The following KLF15 variants were observed in gnomAD, a reference collection of about 807,000 sequenced individuals.
KLF15 encodes Krueppel-like factor 15.
A neutral mutation model predicts 24.6 loss-of-function variants in KLF15; 4 were observed. That is an observed-to-expected ratio of 0.16 (90% CI 0.08 to 0.37). KLF15 has a LOEUF of 0.37. Among genes scored for constraint, KLF15 ranks in the 10% least tolerant of loss-of-function variants. KLF15 has a pLI of 1.00. For missense variants in KLF15, 496 were observed against 560.6 expected, an observed-to-expected ratio of 0.88 and a Z score of 1.16; for synonymous variants, 246 against 236.3, an observed-to-expected ratio of 1.04 and a Z score of -0.37.
chr3:126,302,815 A>G, the KLF15 span, among the ~76,000 whole-genome samples: 5 of 152,156 alleles, frequency 3.3e-5, no homozygotes, highest in African/African-American at 1.2e-4. Context: ...TTCTTATAGT[A>G]GCATACACTT....
the KLF15 span, among the ~76,000 whole-genome samples, chr3:126,294,279 A>G: frequency 4.6e-5 from 7 of 151,652 alleles, no homozygotes; most frequent in African/African-American, 1.7e-4. Context: ...TCCCCCATCA[A>G]CTCACTGTTT....
chr3:126,323,516 A>G, the KLF15 span, among the ~76,000 whole-genome samples: 3 of 135,684 alleles, frequency 2.2e-5, no homozygotes, highest in Non-Finnish European at 4.7e-5. Context: ...ACTATATAAC[A>G]TATATATATA....
the KLF15 span, among the ~76,000 whole-genome samples, chr3:126,317,537 T>G: frequency 6.6e-6 from 1 of 152,044 alleles, no homozygotes; most frequent in Admixed American, 6.5e-5. Context: ...CAGGGAGATG[T>G]GACTGGGAAG....
chr3:126,349,382 C>G (rs2082563189), intron 2 of KLF15, among the ~76,000 whole-genome samples: 1 of 152,172 alleles, frequency 6.6e-6, no homozygotes, highest in African/African-American at 2.4e-5. Flanking sequence ...CCACTGTGAT[C>G]TCACTGGGCC....
chr3:126,355,186 TTTAA>T (rs1218508194), intron 1 of KLF15, among the ~76,000 whole-genome samples: 7 of 152,260 alleles, frequency 4.6e-5, no homozygotes, highest in African/African-American at 1.7e-4. Flanking sequence ...TGTTAATATT[TTTAA>T]TTGTGATGAT....
chr3:126,303,798 G>A, the KLF15 span, among the ~76,000 whole-genome samples: 1 of 151,530 alleles, frequency 6.6e-6, no homozygotes, highest in Admixed American at 6.6e-5. Flanking sequence ...TTCCTCTGAT[G>A]TACTGTTTAT....
At chr3:126,348,719 C>T (rs1172435033) in intron 2 of KLF15, among the ~76,000 whole-genome samples, 7 of 152,228 alleles carry the variant, frequency 4.6e-5, no homozygotes, top group Admixed American at 6.5e-5. Context: ...GATGCCCACG[C>T]GGGAGCCTGA....
At chr3:126,323,433 A>ATG in the KLF15 span, among the ~76,000 whole-genome samples, 439 of 51,526 alleles carry the variant, frequency 8.5e-3, 9 homozygotes, top group African/African-American at 0.029. Flanking sequence ...ATATATATAT[A>ATG]TAACATATAT....
chr3:126,312,893 C>T, the KLF15 span, among the ~76,000 whole-genome samples: 2 of 152,164 alleles, frequency 1.3e-5, no homozygotes, highest in Non-Finnish European at 2.9e-5. Flanking sequence ...ACTGACCTCC[C>T]GCTCATGTTC....
chr3:126,295,581 C>CA, the KLF15 span, among the ~76,000 whole-genome samples: 1 of 152,144 alleles, frequency 6.6e-6, no homozygotes, highest in Non-Finnish European at 1.5e-5. Flanking sequence ...CCTCCCCTGG[C>CA]ACCCTCCCCT....
the KLF15 span, among the ~76,000 whole-genome samples, chr3:126,311,517 T>A: frequency 2.8e-4 from 43 of 152,182 alleles, no homozygotes; most frequent in Non-Finnish European, 5.3e-4. Context: ...GGGCTTGAGA[T>A]GGGACAACCT....
intron 2 of KLF15, 134 bp from the exon 3 acceptor site, chr3:126,344,029 A>G (rs1053772900): frequency 4.7e-6 from 4 of 854,390 alleles, no homozygotes; most frequent in Non-Finnish European, 5.2e-6. Flanking sequence ...TGCAGCCTCT[A>G]CAGGATTAGG....
At chr3:126,312,548 C>G in the KLF15 span, among the ~76,000 whole-genome samples, 1 of 152,216 alleles carries the variant, frequency 6.6e-6, no homozygotes, top group African/African-American at 2.4e-5. Flanking sequence ...ATGTCTGACT[C>G]TCCCTTAGGG....
chr3:126,302,981 G>C, the KLF15 span, among the ~76,000 whole-genome samples: 1 of 151,844 alleles, frequency 6.6e-6, no homozygotes, highest in African/African-American at 2.4e-5. Context: ...TTGTTTAATT[G>C]AGCATTTTTT....
rs1342143111 is a variant in KLF15, at chr3:126,356,177, T to C, written c.-26+1060A>G. On this transcript the variant is annotated intron_variant, in intron 1 of 2. Coordinates refer to ENST00000296233, the MANE Select transcript of KLF15 (RefSeq NM_014079.4). The surrounding 1 kb of genome is among the most constrained non-coding windows in gnomAD (Gnocchi z 4.4). ...ATCACGGGGGTGGCGGCGGGGGCTG[T>C]CCTTCAAAATAAGAGTCTCCGGTCC... is the stretch of plus-strand genomic sequence containing the variant. Among the ~76,000 whole-genome samples the C allele has an allele frequency of 1.3e-5, 2 of 151,984 alleles. No individual in the cohort carries two copies. Among genetic ancestry groups the C allele is most frequent in the East Asian group, 3.9e-4 (2 of 5,150 alleles).
chr3:126,329,905 T>C, the KLF15 span, among the ~76,000 whole-genome samples: 146 of 152,208 alleles, frequency 9.6e-4, 1 homozygote, highest in African/African-American at 3.3e-3. Flanking sequence ...ATAAAAGTTA[T>C]GAACTCTACT....
At position 126,352,052 on chromosome 3, in the gene KLF15, C is replaced by T; in HGVS notation, c.871G>A (p.Val291Ile). ...CCAGGCCCCAGGGGTCCCGATCCAA[C>T]AGGCTTGGCGGCAATGGGCACAGGG... ...IAPVPIAAKP[V>I]GSGPLGPGPA... The change falls in exon 2 of 3, where the codon GTT (valine) becomes ATT (isoleucine). Residue 291 changes from valine to isoleucine, a missense_variant. Physicochemically the swap from Val to Ile is conservative, Grantham distance 29. Transcript: ENST00000296233. 4 of 1,528,716 alleles carry T rather than the reference C, an allele frequency of 2.6e-6. No individual in the cohort carries two copies. The highest frequency in any genetic ancestry group is 2.4e-5 in the East Asian group (1 of 41,350). The allele number at this position is 1,528,716 out of a possible 1,614,324, so 94.7% of individuals were successfully genotyped here. A position where few individuals can be genotyped will look rare whatever the true frequency, so the allele number is the denominator to read the frequency against.
At chr3:126,354,748 G>C (rs966450560) in intron 1 of KLF15, among the ~76,000 whole-genome samples, 3 of 152,210 alleles carry the variant, frequency 2.0e-5, no homozygotes, top group Non-Finnish European at 4.4e-5. Context: ...AGGGCACAAG[G>C]CTGGGCAGAG....
At chr3:126,351,105 G>A (rs1375258201) in intron 2 of KLF15, among the ~76,000 whole-genome samples, 1 of 151,276 alleles carries the variant, frequency 6.6e-6, no homozygotes, top group African/African-American at 2.4e-5. Flanking sequence ...CTGGTTGGGA[G>A]ACTACCAGTT....
Sources: allele counts gnomAD v4.1 joint callset (sites outside exome capture counted in the v4.1 genomes callset), GRCh38; gene constraint gnomAD v4.1.1; non-coding constraint Gnocchi (gnomAD v3.1); transcripts MANE v1.5; gene names NCBI Gene and HGNC (gene_info 2026-07-23, HGNC 2026-07-21).